The following CDH4 variants were observed in gnomAD, a reference collection of about 807,000 sequenced individuals.
CDH4 encodes the protein cadherin-4.
Under a neutral mutation model 86.0 loss-of-function variants are expected in CDH4, and 33 were observed. The observed-to-expected ratio is 0.38, with a 90% CI of 0.29 to 0.51. The LOEUF (loss-of-function observed/expected upper bound fraction) is 0.51. CDH4 is among the 20% of genes least tolerant of loss of function. CDH4 has a pLI of 0.86. For missense variants in CDH4, 1,114 were observed against 1,307.4 expected (o/e 0.85, Z 2.28); for synonymous variants, 555 against 549.4 (o/e 1.01, Z -0.14).
chr20:61,678,555 C>T (rs914597233), intron 2 of CDH4, among the ~76,000 whole-genome samples: 2 of 152,184 alleles, frequency 1.3e-5, no homozygotes, highest in African/African-American at 2.4e-5. Flanking sequence ...TCTGGGTGCC[C>T]GTGTCAGTTT....
intron 3 of CDH4, among the ~76,000 whole-genome samples, chr20:61,760,906 C>G (rs2088625797): frequency 1.3e-5 from 2 of 152,186 alleles, no homozygotes. Context: ...TGCTGACTTA[C>G]AATGGCTCAC....
intron 4 of CDH4, among the ~76,000 whole-genome samples, chr20:61,796,272 G>A (rs1267813718): frequency 6.6e-6 from 1 of 152,162 alleles, no homozygotes; most frequent in Admixed American, 6.5e-5. Flanking sequence ...CTCCAGAGCA[G>A]GACCCTGACC....
At chr20:61,734,835 C>T (rs1318208513) in intron 2 of CDH4, among the ~76,000 whole-genome samples, 3 of 152,254 alleles carry the variant, frequency 2.0e-5, no homozygotes, top group Non-Finnish European at 2.9e-5. Context: ...AAAGCGCGCA[C>T]AGTCACACGA....
At chr20:61,910,698 T>A in intron 9 of CDH4, 91 bp downstream of exon 9, 1 of 1,192,870 alleles carries the variant, frequency 8.4e-7, no homozygotes, top group Non-Finnish European at 1.2e-6. Flanking sequence ...ATACTCGGTG[T>A]AAAGTTACTG....
intron 2 of CDH4, among the ~76,000 whole-genome samples, chr20:61,690,648 A>C (rs1485426868): frequency 6.6e-6 from 1 of 151,686 alleles, no homozygotes; most frequent in African/African-American, 2.4e-5. Flanking sequence ...GGACGGGGGG[A>C]GTTTCTCCAG....
intron 4 of CDH4, among the ~76,000 whole-genome samples, chr20:61,812,518 C>G (rs1283152007): frequency 6.6e-6 from 1 of 152,200 alleles, no homozygotes; most frequent in African/African-American, 2.4e-5. Context: ...TTTGACGTAT[C>G]CTTTAACCCC....
intron 2 of CDH4, among the ~76,000 whole-genome samples, chr20:61,300,755 C>T (rs957858064): frequency 1.3e-5 from 2 of 152,168 alleles, no homozygotes; most frequent in African/African-American, 2.4e-5. Flanking sequence ...CTGTCAGGGG[C>T]GAGGCAGTCT....
At position 61,929,751 on chromosome 20, in the gene CDH4, C is replaced by T. The variant is rs149231472; in HGVS notation, c.2148C>T (p.Asn716=). ...IKVKVCPCDD[N]GDCTTIGAVA... ...TCAAGGTGTGCCCATGTGATGACAACGGGGACTGCACCACCATTGGCGCAG... is the reference window on the plus strand; with the variant it reads ...TCAAGGTGTGCCCATGTGATGACAATGGGGACTGCACCACCATTGGCGCAG... The change falls in exon 13 of 16, where the codon AAC becomes AAT. Residue 716 remains asparagine, a synonymous_variant. Transcript: ENST00000614565. 252 of 1,614,176 alleles carry T rather than the reference C, an allele frequency of 1.6e-4. 1 individual carries two copies. The highest frequency in any genetic ancestry group is 1.1e-3 in the African/African-American group (84 of 75,058).
intron 6 of CDH4, among the ~76,000 whole-genome samples, chr20:61,873,439 G>T (rs1302625920): frequency 6.6e-6 from 1 of 152,236 alleles, no homozygotes; most frequent in African/African-American, 2.4e-5. Flanking sequence ...GCTTAGAGAA[G>T]TTCTTCCTCC....
intron 3 of CDH4, among the ~76,000 whole-genome samples, chr20:61,766,048 G>C (rs902354056): frequency 6.6e-6 from 1 of 151,960 alleles, no homozygotes; most frequent in Non-Finnish European, 1.5e-5. Context: ...CCAGCCCTGG[G>C]TTCTCTAGGA....
chr20:61,674,844 A>G (rs2087429189), intron 2 of CDH4, among the ~76,000 whole-genome samples: 2 of 152,200 alleles, frequency 1.3e-5, no homozygotes, highest in South Asian at 4.1e-4. Flanking sequence ...TCAGCAACCT[A>G]CAGTCCTCAA....
chr20:61,492,647 A>G (rs920304915), intron 2 of CDH4, among the ~76,000 whole-genome samples: 8 of 152,182 alleles, frequency 5.3e-5, no homozygotes, highest in Non-Finnish European at 7.3e-5. Flanking sequence ...TGGACTGGCA[A>G]TGCCGTGGTG....
chr20:61,816,416 C>T (rs1331487622), intron 4 of CDH4, among the ~76,000 whole-genome samples: 2 of 152,160 alleles, frequency 1.3e-5, no homozygotes, highest in Non-Finnish European at 2.9e-5. Context: ...TTCTTAAACA[C>T]CAAACTTATT....
rs888705819 is a variant in CDH4, at chr20:61,377,702, G to A, written c.169+122765G>A. On this transcript the variant is annotated intron_variant, in intron 2 of 15. Transcript: ENST00000614565. The surrounding 1 kb of genome is among the most constrained non-coding windows in gnomAD (Gnocchi z 4.0). The stretch of plus-strand genomic sequence containing the variant: ...AAACCAGAAGTCTTAGGCTGTTAAT[G>A]TGCCATAACCACTGGCTCCAAGCAA... Among the ~76,000 whole-genome samples the A allele has an allele frequency of 2.0e-5, 3 of 151,980 alleles. No homozygotes were observed. Among genetic ancestry groups the A allele is most frequent in the Non-Finnish European group, 4.4e-5 (3 of 68,020 alleles).
chr20:61,602,616 C>T (rs532227539), intron 2 of CDH4, among the ~76,000 whole-genome samples: 4 of 148,952 alleles, frequency 2.7e-5, no homozygotes, highest in African/African-American at 7.4e-5. Flanking sequence ...CTCATTCCAG[C>T]TCTTTGGGGA....
At position 61,783,748 on chromosome 20, in the gene CDH4, G is replaced by A. The variant is rs1407209214; in HGVS notation, c.576+10566G>A. Reference sequence around the variant, plus strand: ...GGCCCTCAGATGTCCTGTGCCCCCGGGAGAAATGTAAGCCTAGTTCCTCGG... The same window carrying A: ...GGCCCTCAGATGTCCTGTGCCCCCGAGAGAAATGTAAGCCTAGTTCCTCGG... On this transcript the variant is annotated intron_variant, in intron 4 of 15. Coordinates refer to ENST00000614565, the MANE Select transcript of CDH4 (RefSeq NM_001794.5). 4.7e-4 allele frequency among the ~76,000 whole-genome samples: 49 copies of A among 105,010 alleles called. 2 individuals carry two copies. The highest frequency in any genetic ancestry group is 1.6e-3 in the African/African-American group (45 of 27,330). The allele number at this position is 105,010 out of a possible 152,430, so 68.9% of individuals were successfully genotyped here.
intron 6 of CDH4, among the ~76,000 whole-genome samples, chr20:61,857,228 G>T (rs141586204): frequency 1.1e-4 from 17 of 152,244 alleles, no homozygotes; most frequent in Non-Finnish European, 2.4e-4. Context: ...GATGGTGGGC[G>T]GCGCGTGTGC....
At chr20:61,265,279 A>G (rs1245456578) in intron 2 of CDH4, among the ~76,000 whole-genome samples, 1 of 148,530 alleles carries the variant, frequency 6.7e-6, no homozygotes, top group East Asian at 2.0e-4. Context: ...TCCTACACGT[A>G]CCTCAGTGGT....
At chr20:61,793,651 C>T (rs1416916527) in intron 4 of CDH4, among the ~76,000 whole-genome samples, 2 of 151,478 alleles carry the variant, frequency 1.3e-5, no homozygotes, top group Admixed American at 6.6e-5. Flanking sequence ...ACCAGCCTGG[C>T]CAAGATGGTG....
Sources: allele counts gnomAD v4.1 joint callset (sites outside exome capture counted in the v4.1 genomes callset), GRCh38; gene constraint gnomAD v4.1.1; non-coding constraint Gnocchi (gnomAD v3.1); transcripts MANE v1.5; gene names NCBI Gene and HGNC (gene_info 2026-07-23, HGNC 2026-07-21).